Variants in DMD observed in about 807,000 individuals in gnomAD.
The protein encoded by DMD is dystrophin.
A neutral mutation model predicts 330.1 loss-of-function variants in DMD; 63 were observed. That is an observed-to-expected ratio of 0.19 (90% CI 0.16 to 0.24). The LOEUF (loss-of-function observed/expected upper bound fraction) is 0.24, where lower values mean the gene tolerates loss of function less well. DMD is among the 10% of genes least tolerant of loss of function. The pLI is 1.00. For synonymous variants in DMD, 1,223 were observed against 959.8 expected, an observed-to-expected ratio of 1.27 and a Z score of -5.07; for missense variants, 3,344 against 2,684.1, an observed-to-expected ratio of 1.25 and a Z score of -5.43.
At chrX:32,154,858 A>G (rs996484113) in intron 44 of DMD, among the ~76,000 whole-genome samples, 9 of 93,657 alleles carry the variant, frequency 9.6e-5, no homozygotes, top group African/African-American at 3.3e-4. Context: ...AAGCTTTGAA[A>G]AAAAAAAAAA....
At chrX:31,359,653 A>T (rs186186829) in intron 60 of DMD, among the ~76,000 whole-genome samples, 1 of 112,132 alleles carries the variant, frequency 8.9e-6, no homozygotes, top group East Asian at 2.8e-4. Flanking sequence ...CAGAAGGTAA[A>T]TTTGATGAGG....
chrX:33,185,768 C>A (rs1383403898), intron 1 of DMD, among the ~76,000 whole-genome samples: 1 of 111,864 alleles, frequency 8.9e-6, no homozygotes, highest in Non-Finnish European at 1.9e-5. Context: ...CATCATCTCA[C>A]CAGTTCCTCA....
At chrX:32,676,198 C>A (rs1431107698) in intron 9 of DMD, among the ~76,000 whole-genome samples, 1 of 110,746 alleles carries the variant, frequency 9.0e-6, no homozygotes, top group African/African-American at 3.3e-5. Flanking sequence ...GTGAAGAATC[C>A]CTCTTATACA....
At chrX:31,251,421 G>A (rs1569503197) in intron 63 of DMD, among the ~76,000 whole-genome samples, 1 of 111,821 alleles carries the variant, frequency 8.9e-6, no homozygotes, top group Non-Finnish European at 1.9e-5. Flanking sequence ...ATTTGTCTCC[G>A]TTATATAAGC....
chrX:33,136,743 C>T (rs2095530059), intron 1 of DMD, among the ~76,000 whole-genome samples: 1 of 110,576 alleles, frequency 9.0e-6, no homozygotes, highest in African/African-American at 3.3e-5. Flanking sequence ...ACATTTTGAT[C>T]TTGGATTTCC....
At position 31,695,794 on chromosome X, in the gene DMD, A is replaced by G. The variant is rs1230240523; in HGVS notation, c.7661-16208T>C. 4.5e-5 allele frequency among the ~76,000 whole-genome samples: 5 copies of G among 110,927 alleles called. No homozygotes were observed. In the East Asian group the frequency reaches 1.1e-3, roughly 25 times the overall value. On this transcript the variant is annotated intron_variant, in intron 52 of 78. Coordinates refer to ENST00000357033, the MANE Select transcript of DMD (RefSeq NM_004006.3). ...AGTGGTGGGTGGATGGAAAAATGAG[A>G]GACGTTTATCAATGGGTACAAAGTT...
At chrX:32,008,566 G>C (rs1184007024) in intron 44 of DMD, among the ~76,000 whole-genome samples, 1 of 111,687 alleles carries the variant, frequency 9.0e-6, no homozygotes, top group Non-Finnish European at 1.9e-5. Flanking sequence ...CTAACGGTGT[G>C]GTTGTATAAG....
chrX:31,879,491 T>G (rs912919997), intron 47 of DMD, among the ~76,000 whole-genome samples: 11 of 111,597 alleles, frequency 9.9e-5, no homozygotes, highest in Non-Finnish European at 2.1e-4. Context: ...AAAAAATTAT[T>G]TAATAAGGAA....
intron 44 of DMD, among the ~76,000 whole-genome samples, chrX:32,038,678 T>C (rs2095972748): frequency 9.0e-6 from 1 of 110,662 alleles, no homozygotes; most frequent in African/African-American, 3.3e-5. Context: ...TTTTTTTTTT[T>C]CAATTTTGCA....
chrX:32,839,277 C>T (rs1003331925), intron 4 of DMD, among the ~76,000 whole-genome samples: 4 of 111,340 alleles, frequency 3.6e-5, no homozygotes, highest in African/African-American at 1.3e-4. Flanking sequence ...ATTACCGTGC[C>T]TAACCCACCT....
intron 43 of DMD, among the ~76,000 whole-genome samples, chrX:32,286,909 A>G (rs2097444107): frequency 8.9e-6 from 1 of 112,030 alleles, no homozygotes; most frequent in South Asian, 3.7e-4. Context: ...TTTAATCTAA[A>G]AATGTAAAAG....
intron 44 of DMD, among the ~76,000 whole-genome samples, chrX:32,138,480 A>T (rs553106509): frequency 1.8e-5 from 2 of 112,126 alleles, no homozygotes; most frequent in South Asian, 3.7e-4. Context: ...TCTGATACAC[A>T]GTTGCTCTAC....
At chrX:33,156,965 T>C (rs1303422365) in intron 1 of DMD, among the ~76,000 whole-genome samples, 3 of 111,888 alleles carry the variant, frequency 2.7e-5, no homozygotes, top group Admixed American at 9.6e-5. Flanking sequence ...CATTATACGA[T>C]AAAAGATACA....
intron 12 of DMD, among the ~76,000 whole-genome samples, chrX:32,601,483 G>T (rs1164509939): frequency 9.0e-6 from 1 of 111,575 alleles, no homozygotes; most frequent in Non-Finnish European, 1.9e-5. Flanking sequence ...GGCTATACAA[G>T]CACACTAAAT....
chrX:32,614,179 A>G lies in DMD; in HGVS notation c.1482+124T>C, dbSNP rs930691081. 6 of 741,004 alleles carry G rather than the reference A, an allele frequency of 8.1e-6. No individual in the cohort carries two copies. In the Admixed American group the frequency reaches 1.1e-4, roughly 13 times the overall value. The allele number at this position is 741,004 out of a possible 1,213,427, so 61.1% of individuals were successfully genotyped here. ...AAACAATTAGGTAAAAATAATTTTT[A>G]AAATATGGCTGACTTTAAGTTTTAA... On this transcript the variant is annotated intron_variant, in intron 12 of 78. Coordinates refer to ENST00000357033, the MANE Select transcript of DMD (RefSeq NM_004006.3).
At chrX:33,214,050 CTTTT>C (rs5902060), upstream of DMD, among the ~76,000 whole-genome samples, 1 of 89,100 alleles carries the variant, frequency 1.1e-5, no homozygotes. Context: ...TTGAGATTGG[CTTTT>C]TTTTTTTTTT....
intron 2 of DMD, among the ~76,000 whole-genome samples, chrX:32,859,914 G>A (rs904573250): frequency 2.7e-5 from 3 of 111,225 alleles, no homozygotes; most frequent in African/African-American, 9.8e-5. Context: ...TGGGCCAGGC[G>A]ACCCTGTAGC....
At chrX:31,242,736 C>G (rs867816826) in intron 63 of DMD, among the ~76,000 whole-genome samples, 15 of 70,649 alleles carry the variant, frequency 2.1e-4, no homozygotes, top group Non-Finnish European at 3.3e-4. Flanking sequence ...GTGTGTGTGT[C>G]ATATATAAAT....
intron 1 of DMD, among the ~76,000 whole-genome samples, chrX:33,268,627 T>C (rs2053090903): frequency 9.0e-6 from 1 of 111,677 alleles, no homozygotes; most frequent in Non-Finnish European, 1.9e-5. Flanking sequence ...GAATGGCTAT[T>C]ATTTAAAAGT....
Sources: allele counts gnomAD v4.1 joint callset (sites outside exome capture counted in the v4.1 genomes callset), GRCh38; gene constraint gnomAD v4.1.1; transcripts MANE v1.5; gene names NCBI Gene and HGNC (gene_info 2026-07-23, HGNC 2026-07-21).